The following PHACTR2 variants were observed in gnomAD, a reference collection of about 807,000 sequenced individuals.
The protein encoded by PHACTR2 is phosphatase and actin regulator 2, also known as chromosome 6 open reading frame 56.
PHACTR2 carries 30 observed loss-of-function variants against 76.0 expected under a neutral mutation model. The ratio of observed to expected loss-of-function variants is 0.39; its 90% confidence interval spans 0.30 to 0.54. The LOEUF (loss-of-function observed/expected upper bound fraction) is 0.54, where lower values mean the gene tolerates loss of function less well. Among genes scored for constraint, PHACTR2 ranks in the 20% least tolerant of loss-of-function variants. The pLI is 0.61. For missense variants in PHACTR2, 696 were observed against 781.1 expected, an observed-to-expected ratio of 0.89 and a Z score of 1.30; for synonymous variants, 292 against 292.5, an observed-to-expected ratio of 1.00 and a Z score of 0.02.
At chr6:143,676,209 T>C (rs1777241890), upstream of PHACTR2, among the ~76,000 whole-genome samples, 1 of 152,204 alleles carries the variant, frequency 6.6e-6, no homozygotes, top group African/African-American at 2.4e-5. This position sits in a 1 kb window ranked among gnomAD's most constrained non-coding sequence, Gnocchi z 4.8. Context: ...CTGAAGATTA[T>C]ATTAACTAGC....
Position 143,777,189 on chromosome 6 carries a change from A to C in PHACTR2, c.1590-139A>C, listed in dbSNP as rs1353697338. 3.6e-6 allele frequency: 2 copies of C among 548,012 alleles called. No individual in the cohort carries two copies. Among genetic ancestry groups the C allele is most frequent in the Non-Finnish European group, 6.4e-6 (2 of 311,346 alleles). 33.9% of individuals were successfully genotyped at this position (548,012 alleles called of 1,614,324 possible). ...ATCTGTAGTCTCCAAACTAATGGGA[A>C]GGAGACTTTTATTTTGCAGCTTTAA... On this transcript the variant is annotated intron_variant, in intron 8 of 12. Transcript: ENST00000440869. The surrounding 1 kb of genome is among the most constrained non-coding windows in gnomAD (Gnocchi z 4.6).
intron 3 of PHACTR2, among the ~76,000 whole-genome samples, chr6:143,752,508 G>A (rs972626477): frequency 4.6e-5 from 7 of 152,012 alleles, no homozygotes; most frequent in Admixed American, 1.3e-4. Flanking sequence ...TAATGGCATT[G>A]CCTTCAATTA....
In PHACTR2 at chr6:143,625,321, G is replaced by GA. The variant is rs1286669345; in HGVS notation, c.13+16999_13+17000insA. ...TGTGAGATATATCAAATTTTTACTT[G>GA]GTGATTCAGAATTTAAACTATATCA... is the stretch of plus-strand genomic sequence containing the variant. On this transcript the variant is annotated intron_variant, in intron 1 of 11. Coordinates refer to the PHACTR2 transcript ENST00000305766. This position sits in a 1 kb window ranked among gnomAD's most constrained non-coding sequence, Gnocchi z 4.3. Among the ~76,000 whole-genome samples the GA allele has an allele frequency of 2.0e-5, 3 of 152,014 alleles. No homozygotes were observed. The highest frequency in any genetic ancestry group is 2.0e-4 in the Admixed American group (3 of 15,272).
At position 143,775,458 on chromosome 6, in the gene PHACTR2, C is replaced by G. The variant is rs1254204872; in HGVS notation, c.1589+1243C>G. Among the ~76,000 whole-genome samples the G allele has an allele frequency of 6.6e-6, 1 of 152,168 alleles. No individual in the cohort carries two copies. Among genetic ancestry groups the G allele is most frequent in the Non-Finnish European group, 1.5e-5 (1 of 68,030 alleles). On this transcript the variant is annotated intron_variant, in intron 8 of 12. Transcript: ENST00000440869. This position sits in a 1 kb window ranked among gnomAD's most constrained non-coding sequence, Gnocchi z 4.4. ...TATCGAGCTGGAAAAACCTACAGTT[C>G]TAAACTTGCCATCTTACCAAGGAAA...
rs549017402 is a variant in PHACTR2 at position 143,730,741 on chromosome 6, A to AT, written c.215-18238dup. On this transcript the variant is annotated intron_variant, in intron 2 of 12. Transcript: ENST00000440869. This position sits in a 1 kb window ranked among gnomAD's most constrained non-coding sequence, Gnocchi z 4.8. Reference sequence around the variant, plus strand: ...TCATTAAGTATGATGTTGGTGTAAGATTTTTTGTGTGTGTTTGTTTGTTTG... The same window carrying AT: ...TCATTAAGTATGATGTTGGTGTAAGATTTTTTTGTGTGTGTTTGTTTGTTTG... Among the ~76,000 whole-genome samples the AT allele has an allele frequency of 5.7e-4, 86 of 152,068 alleles. 1 individual carries two copies. The South Asian group carries it at 0.017, about 30-fold the overall frequency.
chr6:143,799,472 G>T (rs960254619), intron 11 of PHACTR2, among the ~76,000 whole-genome samples: 1 of 152,166 alleles, frequency 6.6e-6, no homozygotes, highest in Non-Finnish European at 1.5e-5. Flanking sequence ...TTTTAATTGT[G>T]ATGTTAGGGT....
In PHACTR2 at chr6:143,824,397, C is replaced by A. The variant is rs902266176; in HGVS notation, c.*708C>A. ...ACTGACTCTTAACAAGCATGCTTAC[C>A]CAAATTTTGTTGCATGCTTTTAAGT... On this transcript the variant is annotated 3_prime_UTR_variant, in exon 13 of 13. Coordinates refer to ENST00000440869, the MANE Select transcript of PHACTR2 (RefSeq NM_001100164.2). This position sits in a 1 kb window ranked among gnomAD's most constrained non-coding sequence, Gnocchi z 6.3. The A allele has an allele frequency of 1.3e-5, 2 of 152,526 alleles. No homozygotes were observed. The highest frequency in any genetic ancestry group is 4.8e-5 in the African/African-American group (2 of 41,398). The allele number at this position is 152,526 out of a possible 1,614,324, so 9.4% of individuals were successfully genotyped here.
At position 143,546,907 on chromosome 6, in the gene PHACTR2, C is replaced by T. The variant is rs1490315582; in HGVS notation, c.217+9700C>T. Among the ~76,000 whole-genome samples, 2 of 151,464 alleles carry T rather than the reference C, an allele frequency of 1.3e-5. No homozygotes were observed. Among genetic ancestry groups the T allele is most frequent in the Admixed American group, 6.6e-5 (1 of 15,214 alleles). ...AAAAAATTAGCCAGGTGAACTGGTG[C>T]GCACCTGTAGTCCTTGCTACTCAGG... is the stretch of plus-strand genomic sequence containing the variant. On this transcript the variant is annotated intron_variant, in intron 1 of 11. Coordinates refer to the PHACTR2 transcript ENST00000367584. This position sits in a 1 kb window ranked among gnomAD's most constrained non-coding sequence, Gnocchi z 4.9.
rs1216309787 is a variant in PHACTR2, at chr6:143,662,311, C to CT, written c.14-49698dup. On this transcript the variant is annotated intron_variant, in intron 1 of 11. Transcript: ENST00000305766. The surrounding 1 kb of genome is among the most constrained non-coding windows in gnomAD (Gnocchi z 4.7). ...TGTGTTTTAGGAAATAACTTTATAG[C>CT]TTTTTTTCCCCTATTTTAAAATACA... Among the ~76,000 whole-genome samples the CT allele has an allele frequency of 1.3e-5, 2 of 152,094 alleles. No homozygotes were observed. Among genetic ancestry groups the CT allele is most frequent in the African/African-American group, 2.4e-5 (1 of 41,422 alleles).
rs186310513 is a variant in PHACTR2, at chr6:143,760,629, C to T, written c.683C>T (p.Thr228Ile). 1 of 1,613,890 alleles carries T rather than the reference C, an allele frequency of 6.2e-7. No homozygotes were observed. The highest frequency in any genetic ancestry group is 1.3e-5 in the African/African-American group (1 of 75,008). ...CCCAAGCCAGCAAGCCGAAACACGA[C>T]CCGAGAGGCTGGTGAGTATGCCCCC... ...PPPKPASRNT[T>I]REAAGSSHSK... The change falls in exon 5 of 13, where the codon ACC becomes ATC. Residue 228 changes from threonine (T) to isoleucine (I), a missense_variant. Transcript: ENST00000440869. This position sits in a 1 kb window ranked among gnomAD's most constrained non-coding sequence, Gnocchi z 6.4.
Position 143,804,622 on chromosome 6 carries a change from G to A in PHACTR2, c.1846-2435G>A, listed in dbSNP as rs116678134. ...GAATTATAAATTGTATCAATATGAT[G>A]GATCTATAGCACACAATTTACAATT... On this transcript the variant is annotated intron_variant, in intron 11 of 12. Coordinates refer to ENST00000440869, the MANE Select transcript of PHACTR2 (RefSeq NM_001100164.2). 2.1e-3 allele frequency among the ~76,000 whole-genome samples: 326 copies of A among 152,234 alleles called. 1 individual carries two copies. Among genetic ancestry groups the A allele is most frequent in the African/African-American group, 7.7e-3 (318 of 41,544 alleles).
At chr6:143,614,362 A>G (rs967238822) in intron 1 of PHACTR2, among the ~76,000 whole-genome samples, 1 of 152,226 alleles carries the variant, frequency 6.6e-6, no homozygotes, top group Non-Finnish European at 1.5e-5. Flanking sequence ...CCAAGTTACA[A>G]GGTAGATAAC....
rs1224077202 is a variant in PHACTR2, at chr6:143,621,235, G to A, written c.13+12913G>A. 6.6e-6 allele frequency among the ~76,000 whole-genome samples: 1 copy of A among 152,160 alleles called. No individual in the cohort carries two copies. The highest frequency in any genetic ancestry group is 1.5e-5 in the Non-Finnish European group (1 of 68,022). On this transcript the variant is annotated intron_variant, in intron 1 of 11. Coordinates refer to the PHACTR2 transcript ENST00000305766. The surrounding 1 kb of genome is among the most constrained non-coding windows in gnomAD (Gnocchi z 4.1). ...AAGGTAGACACCTGGCTTATGAAACGGGTCTACAGAAAACATCAGGAGGCC... is the reference window on the plus strand; with the variant it reads ...AAGGTAGACACCTGGCTTATGAAACAGGTCTACAGAAAACATCAGGAGGCC...
intron 1 of PHACTR2, among the ~76,000 whole-genome samples, chr6:143,579,365 T>C (rs901447467): frequency 6.6e-6 from 1 of 151,934 alleles, no homozygotes; most frequent in Non-Finnish European, 1.5e-5. Context: ...GAGGTCCTGG[T>C]TGAAGGAAGG....
In PHACTR2 at chr6:143,671,526, T is replaced by A. The variant is rs1376250236; in HGVS notation, c.14-40490T>A. Among the ~76,000 whole-genome samples the A allele has an allele frequency of 6.6e-6, 1 of 152,234 alleles. No individual in the cohort carries two copies. Among genetic ancestry groups the A allele is most frequent in the Non-Finnish European group, 1.5e-5 (1 of 68,040 alleles). ...ATCTCTCTTACTCTTCTGAATTTCATAGCACTTTTCATCTTCTAAATTGTT... is the reference window on the plus strand; with the variant it reads ...ATCTCTCTTACTCTTCTGAATTTCAAAGCACTTTTCATCTTCTAAATTGTT... On this transcript the variant is annotated intron_variant, in intron 1 of 11. Coordinates refer to the PHACTR2 transcript ENST00000305766. The surrounding 1 kb of genome is among the most constrained non-coding windows in gnomAD (Gnocchi z 4.6).
intron 1 of PHACTR2, among the ~76,000 whole-genome samples, chr6:143,682,032 T>C (rs1173980740): frequency 6.6e-6 from 1 of 152,208 alleles, no homozygotes; most frequent in Non-Finnish European, 1.5e-5. Flanking sequence ...CCTTTAAAAG[T>C]TTCTACTGGT....
rs1162194589 is a variant in PHACTR2, at chr6:143,795,627, TAG to T, written c.1845+6720_1845+6721del. Reference sequence around the variant, plus strand: ...GCTTGCCTGCCAGTAACCATCTCCTTAGAGTAGAACTTGGAAGCTCCATGGAG... The same window carrying T: ...GCTTGCCTGCCAGTAACCATCTCCTTAGTAGAACTTGGAAGCTCCATGGAG... On this transcript the variant is annotated intron_variant, in intron 11 of 12. Transcript: ENST00000440869. The surrounding 1 kb of genome is among the most constrained non-coding windows in gnomAD (Gnocchi z 4.8). Among the ~76,000 whole-genome samples the T allele has an allele frequency of 2.0e-5, 3 of 152,136 alleles. No individual in the cohort carries two copies. The highest frequency in any genetic ancestry group is 4.4e-5 in the Non-Finnish European group (3 of 68,032).
At chr6:143,631,525 C>G (rs1042537740) in intron 1 of PHACTR2, among the ~76,000 whole-genome samples, 1 of 152,112 alleles carries the variant, frequency 6.6e-6, no homozygotes, top group South Asian at 2.1e-4. Context: ...CTTCCTGGCT[C>G]CATCTGCAGA....
Position 143,726,438 on chromosome 6 carries a change from GC to G in PHACTR2, c.214+14262del, listed in dbSNP as rs371798982. ...ACATCTATTAGCCAACTTCCTTTTT[GC>G]CCCCCCAGTAACCCACCATTCTACT... On this transcript the variant is annotated intron_variant, in intron 2 of 12. Transcript: ENST00000440869. Among the ~76,000 whole-genome samples the G allele has an allele frequency of 6.8e-3, 1,025 of 151,814 alleles. 7 individuals are homozygous for G. The highest frequency in any genetic ancestry group is 0.024 in the African/African-American group (975 of 41,378).
Sources: allele counts gnomAD v4.1 joint callset (sites outside exome capture counted in the v4.1 genomes callset), GRCh38; gene constraint gnomAD v4.1.1; non-coding constraint Gnocchi (gnomAD v3.1); transcripts MANE v1.5; gene names NCBI Gene and HGNC (gene_info 2026-07-23, HGNC 2026-07-21).